The following ASIC2 variants were observed in gnomAD, a reference collection of about 807,000 sequenced individuals.
ASIC2 encodes acid sensing ion channel subunit 2.
Under a neutral mutation model 57.3 loss-of-function variants are expected in ASIC2, and 25 were observed. The observed-to-expected ratio is 0.44, with a 90% CI of 0.32 to 0.61. The LOEUF (loss-of-function observed/expected upper bound fraction) is 0.61. ASIC2 is among the 20% of genes least tolerant of loss of function. The pLI is 0.06. For synonymous variants in ASIC2, 319 were observed against 307.5 expected (o/e 1.04, Z -0.39); for missense variants, 641 against 738.1 (o/e 0.87, Z 1.52).
At chr17:33,271,446 A>G (rs1904488904) in intron 1 of ASIC2, among the ~76,000 whole-genome samples, 1 of 152,158 alleles carries the variant, frequency 6.6e-6, no homozygotes, top group African/African-American at 2.4e-5. Flanking sequence ...CAGTCTCAAC[A>G]GACCCCAAAC....
chr17:33,374,157 A>G (rs958743793), intron 1 of ASIC2, among the ~76,000 whole-genome samples: 1 of 151,290 alleles, frequency 6.6e-6, no homozygotes, highest in African/African-American at 2.4e-5. Context: ...CACCCAACCA[A>G]GCTAATTTTT....
chr17:33,711,129 C>T (rs1335845120), intron 1 of ASIC2, among the ~76,000 whole-genome samples: 1 of 152,060 alleles, frequency 6.6e-6, no homozygotes, highest in East Asian at 1.9e-4. Context: ...GGTTTGAACC[C>T]TTAGAGTGGC....
chr17:33,292,370 C>T lies in ASIC2; in HGVS notation c.-255G>A, dbSNP rs1250094139. 2.0e-6 allele frequency: 2 copies of T among 985,952 alleles called. No homozygotes were observed. The highest frequency in any genetic ancestry group is 3.5e-5 in the African/African-American group (2 of 57,276). 61.1% of individuals were successfully genotyped at this position (985,952 alleles called of 1,614,324 possible). A position where few individuals can be genotyped will look rare whatever the true frequency, so the allele number is the denominator to read the frequency against. ...TGGCAGTGGCCTCTCCCGAGCGCCT[C>T]CCAGGCTTTCCCGGCCCCTGGTCTT... On this transcript the variant is annotated 5_prime_UTR_variant, in exon 1 of 10. Coordinates refer to ENST00000225823, the MANE Select transcript of ASIC2 (RefSeq NM_183377.2).
At chr17:33,915,246 C>T (rs1161390805) in intron 1 of ASIC2, among the ~76,000 whole-genome samples, 1 of 152,220 alleles carries the variant, frequency 6.6e-6, no homozygotes, top group African/African-American at 2.4e-5. Context: ...TACACCTTTA[C>T]AGGTGTGCCT....
At chr17:33,439,558 A>T (rs1911753168) in intron 1 of ASIC2, among the ~76,000 whole-genome samples, 1 of 152,142 alleles carries the variant, frequency 6.6e-6, no homozygotes, top group Admixed American at 6.5e-5. Context: ...GCTCCCCAAG[A>T]TGTCTAAAGT....
chr17:33,147,814 C>G (rs897591325), intron 1 of ASIC2, among the ~76,000 whole-genome samples: 27 of 152,290 alleles, frequency 1.8e-4, no homozygotes, highest in African/African-American at 5.1e-4. Flanking sequence ...TTGCAACAAG[C>G]CTGTGGACCC....
intron 1 of ASIC2, among the ~76,000 whole-genome samples, chr17:33,956,217 G>A (rs140141609): frequency 1.4e-4 from 21 of 152,290 alleles, no homozygotes; most frequent in African/African-American, 4.3e-4. Context: ...GAGCGGGAGC[G>A]CTGGGAAAGC....
At chr17:33,016,882 T>C (rs2091808905) in intron 8 of ASIC2, among the ~76,000 whole-genome samples, 1 of 152,154 alleles carries the variant, frequency 6.6e-6, no homozygotes, top group Non-Finnish European at 1.5e-5. Flanking sequence ...GCCAGGGGGA[T>C]GGAGGCCTCC....
intron 1 of ASIC2, among the ~76,000 whole-genome samples, chr17:33,230,779 T>C (rs1438701588): frequency 6.6e-6 from 1 of 152,014 alleles, no homozygotes; most frequent in Non-Finnish European, 1.5e-5. Flanking sequence ...GAAGATGAGG[T>C]GGCAGGGCCT....
chr17:33,242,185 T>A (rs1759140817), intron 1 of ASIC2, among the ~76,000 whole-genome samples: 1 of 151,528 alleles, frequency 6.6e-6, no homozygotes, highest in Admixed American at 6.6e-5. Context: ...GGCATGGTGG[T>A]GGGCGCCTGT....
At chr17:33,579,418 C>T (rs968196025) in intron 1 of ASIC2, among the ~76,000 whole-genome samples, 12 of 151,774 alleles carry the variant, frequency 7.9e-5, no homozygotes, top group African/African-American at 2.7e-4. Flanking sequence ...AGGTAGAAAA[C>T]AAGGAGATAT....
chr17:33,225,572 A>G lies in ASIC2; in HGVS notation c.708+65836T>C, dbSNP rs180936539. ...TTGCCCTCTGGCCCAGTGGCTATCTAGTCATTTCTGCTCCCAAGGGGTCGC... is the reference window on the plus strand; with the variant it reads ...TTGCCCTCTGGCCCAGTGGCTATCTGGTCATTTCTGCTCCCAAGGGGTCGC... On this transcript the variant is annotated intron_variant, in intron 1 of 9. Coordinates refer to ENST00000225823, the MANE Select transcript of ASIC2 (RefSeq NM_183377.2). Among the ~76,000 whole-genome samples the G allele has an allele frequency of 8.3e-4, 126 of 152,326 alleles. 1 individual carries two copies. The highest frequency in any genetic ancestry group is 3.0e-3 in the African/African-American group (123 of 41,574).
In ASIC2 at chr17:34,057,434, T is replaced by C. The variant is rs536302339; in HGVS notation, c.555+98544A>G. 2.6e-5 allele frequency among the ~76,000 whole-genome samples: 4 copies of C among 152,228 alleles called. No individual in the cohort carries two copies. In the East Asian group the frequency reaches 7.7e-4, roughly 29 times the overall value. Reference sequence around the variant, plus strand: ...CCCAAGGAGGGTGTGATTGAGGAAATGGGCTGTCGCAGTAGAGGTGTGAGT... The same window carrying C: ...CCCAAGGAGGGTGTGATTGAGGAAACGGGCTGTCGCAGTAGAGGTGTGAGT... On this transcript the variant is annotated intron_variant, in intron 1 of 9. Coordinates refer to the ASIC2 transcript ENST00000359872.
chr17:33,995,902 T>A (rs950564842), intron 1 of ASIC2, among the ~76,000 whole-genome samples: 1 of 152,208 alleles, frequency 6.6e-6, no homozygotes, highest in African/African-American at 2.4e-5. Flanking sequence ...TCAAAAGAGT[T>A]AATCTTTTAA....
At chr17:33,304,337 C>A (rs868701177) in intron 1 of ASIC2, among the ~76,000 whole-genome samples, 7 of 152,210 alleles carry the variant, frequency 4.6e-5, no homozygotes, top group South Asian at 2.1e-4. Context: ...CAAATAGGTT[C>A]TTTGGGTAAA....
At chr17:33,961,522 G>A (rs1051541014) in intron 1 of ASIC2, among the ~76,000 whole-genome samples, 2 of 152,164 alleles carry the variant, frequency 1.3e-5, no homozygotes, top group Non-Finnish European at 2.9e-5. Flanking sequence ...GCATAGTAAT[G>A]GGTGCTCCTC....
At chr17:33,956,859 A>T (rs780524956) in intron 1 of ASIC2, among the ~76,000 whole-genome samples, 2 of 152,178 alleles carry the variant, frequency 1.3e-5, no homozygotes, top group African/African-American at 4.8e-5. Context: ...TTCTGATGGC[A>T]TATGCCTCAC....
chr17:33,733,164 C>A (rs982236131), intron 1 of ASIC2, among the ~76,000 whole-genome samples: 8 of 152,192 alleles, frequency 5.3e-5, no homozygotes, highest in Non-Finnish European at 7.3e-5. Flanking sequence ...TGTCCCCTCA[C>A]TTCTGACTCC....
chr17:33,847,068 A>T (rs1261283891), intron 1 of ASIC2, among the ~76,000 whole-genome samples: 6 of 151,992 alleles, frequency 3.9e-5, no homozygotes, highest in Admixed American at 3.3e-4. Flanking sequence ...TCCAGCCAGG[A>T]ACATCTAAAC....
Sources: allele counts gnomAD v4.1 joint callset (sites outside exome capture counted in the v4.1 genomes callset), GRCh38; gene constraint gnomAD v4.1.1; transcripts MANE v1.5; gene names NCBI Gene and HGNC (gene_info 2026-07-23, HGNC 2026-07-21).